LSAMP: variants seen among roughly 807,000 people sequenced by gnomAD.
LSAMP encodes the protein limbic system-associated membrane protein.
Under a neutral mutation model 38.6 loss-of-function variants are expected in LSAMP, and 7 were observed. The ratio of observed to expected loss-of-function variants is 0.18; its 90% CI spans 0.10 to 0.34. The LOEUF (loss-of-function observed/expected upper bound fraction) is 0.34. Ranked by LOEUF, LSAMP falls within the 10% of genes least tolerant of loss-of-function variation. LSAMP has a pLI of 1.00. For missense variants in LSAMP, 313 were observed against 420.0 expected, an observed-to-expected ratio of 0.75 and a Z score of 2.23; for synonymous variants, 154 against 166.8, an observed-to-expected ratio of 0.92 and a Z score of 0.59.
chr3:116,014,060 A>G (rs960021591), intron 3 of LSAMP, among the ~76,000 whole-genome samples: 1 of 152,162 alleles, frequency 6.6e-6, no homozygotes, highest in African/African-American at 2.4e-5. Flanking sequence ...TTATGGGGCT[A>G]TTCATGCAAT....
Position 116,218,460 on chromosome 3 carries a change from C to A in LSAMP, c.156-131904G>T, listed in dbSNP as rs72945958. Among the ~76,000 whole-genome samples the A allele has an allele frequency of 1.7e-3, 254 of 152,292 alleles. 2 individuals are homozygous for A. Among genetic ancestry groups the A allele is most frequent in the African/African-American group, 5.9e-3 (245 of 41,566 alleles). ...TAACTTAAACCACTCCTCGCCACCACTGAATTTCCATTTTCCCCTCCCACA... is the reference window on the plus strand; with the variant it reads ...TAACTTAAACCACTCCTCGCCACCAATGAATTTCCATTTTCCCCTCCCACA... On this transcript the variant is annotated intron_variant, in intron 1 of 6. Transcript: ENST00000490035.
chr3:116,156,028 G>A (rs908052190), intron 1 of LSAMP, among the ~76,000 whole-genome samples: 1 of 152,176 alleles, frequency 6.6e-6, no homozygotes, highest in Non-Finnish European at 1.5e-5. Context: ...AACATATGAA[G>A]TGCAAGGGGC....
intron 3 of LSAMP, among the ~76,000 whole-genome samples, chr3:116,004,817 C>A (rs764935833): frequency 6.6e-6 from 1 of 152,122 alleles, no homozygotes; most frequent in Non-Finnish European, 1.5e-5. Flanking sequence ...TGGCAATTCT[C>A]TCTGGACCCA....
chr3:116,160,731 T>C (rs949434511), intron 1 of LSAMP, among the ~76,000 whole-genome samples: 5 of 152,198 alleles, frequency 3.3e-5, no homozygotes, highest in African/African-American at 1.2e-4. Flanking sequence ...TATGTGAATA[T>C]GTAATGGATG....
intron 1 of LSAMP, among the ~76,000 whole-genome samples, chr3:116,203,109 A>G (rs187506958): frequency 7.6e-4 from 115 of 152,152 alleles, no homozygotes; most frequent in African/African-American, 2.6e-3. Context: ...TCCAATCTTC[A>G]TGTCTTTTAT....
intron 1 of LSAMP, among the ~76,000 whole-genome samples, chr3:116,155,614 T>C (rs188596700): frequency 5.6e-5 from 8 of 142,730 alleles, no homozygotes; most frequent in Non-Finnish European, 9.3e-5. Flanking sequence ...ATGTGATGTA[T>C]ACAAGAGGGT....
At chr3:115,815,268 C>T (rs905910191) in intron 6 of LSAMP, among the ~76,000 whole-genome samples, 7 of 152,022 alleles carry the variant, frequency 4.6e-5, no homozygotes, top group South Asian at 2.1e-4. Flanking sequence ...CTTCATCATA[C>T]GTATGTATAT....
intron 2 of LSAMP, among the ~76,000 whole-genome samples, chr3:116,046,499 A>G (rs930818878): frequency 3.7e-4 from 57 of 152,232 alleles, no homozygotes; most frequent in African/African-American, 1.4e-3. Context: ...ATTTTCCCTC[A>G]GACATCTGTT....
At chr3:116,105,746 G>T (rs1708451474) in intron 1 of LSAMP, among the ~76,000 whole-genome samples, 1 of 151,874 alleles carries the variant, frequency 6.6e-6, no homozygotes, top group Non-Finnish European at 1.5e-5. Context: ...ATACGTGCAA[G>T]TCACAGGGGA....
chr3:116,035,789 T>A (rs1941032351), intron 2 of LSAMP, among the ~76,000 whole-genome samples: 1 of 152,210 alleles, frequency 6.6e-6, no homozygotes, highest in Non-Finnish European at 1.5e-5. Context: ...ATTCTCAATT[T>A]ATTGTCTATT....
chr3:116,130,844 C>A (rs2107501542), intron 1 of LSAMP, among the ~76,000 whole-genome samples: 1 of 152,074 alleles, frequency 6.6e-6, no homozygotes, highest in Non-Finnish European at 1.5e-5. Flanking sequence ...TTTTCTTCCC[C>A]CTTTTCCTCT....
chr3:116,121,424 G>A (rs180967996), intron 1 of LSAMP, among the ~76,000 whole-genome samples: 17 of 152,210 alleles, frequency 1.1e-4, no homozygotes, highest in African/African-American at 2.4e-4. Context: ...TAACTTTATC[G>A]AAACTTTCTT....
At chr3:116,148,846 T>C (rs369926722) in intron 1 of LSAMP, among the ~76,000 whole-genome samples, 1 of 151,984 alleles carries the variant, frequency 6.6e-6, no homozygotes, top group African/African-American at 2.4e-5. Flanking sequence ...ATGTCAGTAG[T>C]TTGCATTTAA....
intron 2 of LSAMP, 140 bp from the exon 3 acceptor site, chr3:116,019,780 C>T (rs1435162986): frequency 2.3e-6 from 2 of 854,406 alleles, no homozygotes; most frequent in East Asian, 5.9e-5. Context: ...TTTTAAGACC[C>T]ATGCTTGCCA....
At chr3:116,202,621 G>A (rs1052761604) in intron 1 of LSAMP, among the ~76,000 whole-genome samples, 2 of 151,746 alleles carry the variant, frequency 1.3e-5, no homozygotes, top group Non-Finnish European at 2.9e-5. Context: ...CAGGAGTCCC[G>A]CTTTGTTGTC....
At chr3:116,398,031 C>T (rs893980237) in intron 1 of LSAMP, among the ~76,000 whole-genome samples, 24 of 152,050 alleles carry the variant, frequency 1.6e-4, no homozygotes, top group Middle Eastern at 3.4e-3. Context: ...TATACTTTTA[C>T]ATAGCATTCT....
At chr3:116,304,410 G>C (rs892935497) in intron 1 of LSAMP, among the ~76,000 whole-genome samples, 20 of 152,208 alleles carry the variant, frequency 1.3e-4, no homozygotes, top group Admixed American at 1.3e-3. Flanking sequence ...AGCTGTTTCG[G>C]ACAAAGGAAA....
At chr3:115,928,970 T>C (rs957790009) in intron 3 of LSAMP, among the ~76,000 whole-genome samples, 2 of 70,602 alleles carry the variant, frequency 2.8e-5, no homozygotes, top group African/African-American at 8.7e-5. Flanking sequence ...AGGTTTTTTG[T>C]TTGTTTTTTT....
intron 1 of LSAMP, among the ~76,000 whole-genome samples, chr3:116,369,483 C>T (rs908079118): frequency 6.6e-6 from 1 of 151,846 alleles, no homozygotes; most frequent in African/African-American, 2.4e-5. Flanking sequence ...GAAGAGAGAC[C>T]AAGAGATATA....
Sources: gnomAD v4.1 joint callset for allele counts (sites outside exome capture counted in the v4.1 genomes callset) on GRCh38, gnomAD v4.1.1 for gene constraint, MANE v1.5 for transcripts, NCBI Gene and HGNC (gene_info 2026-07-23, HGNC 2026-07-21) for gene names.